The following LPAR3 variants were observed in gnomAD, a reference collection of about 807,000 sequenced individuals.
The protein encoded by LPAR3 is lysophosphatidic acid receptor 3.
In LPAR3, 7 loss-of-function variants were observed where a neutral mutation model predicts 17.8. The ratio of observed to expected loss-of-function variants is 0.39; its 90% CI spans 0.22 to 0.74. LPAR3 has a LOEUF of 0.74. Ranked by LOEUF, LPAR3 falls within the 30% of genes least tolerant of loss-of-function variation. The pLI is 0.40. For synonymous variants in LPAR3, 179 were observed against 179.9 expected, an observed-to-expected ratio of 0.99 and a Z score of 0.04; for missense variants, 391 against 453.4, an observed-to-expected ratio of 0.86 and a Z score of 1.25.
chr1:84,813,789 A>C lies in LPAR3; in HGVS notation c.*57T>G. On this transcript the variant is annotated 3_prime_UTR_variant, in exon 3 of 3. Coordinates refer to ENST00000370611, the MANE Select transcript of LPAR3 (RefSeq NM_012152.3). ...TGGGCTTTGTTAGAGACAGGTAATCATTCTTAACAGCTCTTTTCCCAGAGG... is the reference window on the plus strand; with the variant it reads ...TGGGCTTTGTTAGAGACAGGTAATCCTTCTTAACAGCTCTTTTCCCAGAGG... 1 of 1,362,888 alleles carries C rather than the reference A, an allele frequency of 7.3e-7. No individual in the cohort carries two copies. The highest frequency in any genetic ancestry group is 1.0e-6 in the Non-Finnish European group (1 of 972,838). The allele number at this position is 1,362,888 out of a possible 1,614,324, so 84.4% of individuals were successfully genotyped here.
intron 2 of LPAR3, among the ~76,000 whole-genome samples, chr1:84,856,682 G>A (rs1268984768): frequency 2.0e-5 from 3 of 152,078 alleles, no homozygotes; most frequent in Non-Finnish European, 4.4e-5. Flanking sequence ...CCTAGCAAAG[G>A]TGATAATAGC....
rs769368125 is a variant in LPAR3 at position 84,813,154 on chromosome 1, T to TAGAGAGAGAGAGAGAGAG, written c.*691_*692insCTCTCTCTCTCTCTCTCT. 4.9e-5 allele frequency: 5 copies of TAGAGAGAGAGAGAGAGAG among 101,046 alleles called. No homozygotes were observed. Among genetic ancestry groups the TAGAGAGAGAGAGAGAGAG allele is most frequent in the African/African-American group, 1.8e-4 (5 of 27,294 alleles). The allele number at this position is 101,046 out of a possible 1,614,324, so 6.3% of individuals were successfully genotyped here. On this transcript the variant is annotated 3_prime_UTR_variant, in exon 3 of 3. Coordinates refer to ENST00000370611, the MANE Select transcript of LPAR3 (RefSeq NM_012152.3). ...ATATATATATATATATATATATATA[T>TAGAGAGAGAGAGAGAGAG]ATATAGACACACACACACACACACA...
chr1:84,817,227 A>T (rs1476413852), intron 2 of LPAR3, among the ~76,000 whole-genome samples: 1 of 133,362 alleles, frequency 7.5e-6, no homozygotes, highest in Non-Finnish European at 1.7e-5. Flanking sequence ...GTAGATTGGT[A>T]GGCAACTAAG....
intron 1 of LPAR3, among the ~76,000 whole-genome samples, chr1:84,877,592 T>C (rs188089205): frequency 6.6e-6 from 1 of 152,292 alleles, no homozygotes; most frequent in African/African-American, 2.4e-5. Flanking sequence ...ACAAATATGC[T>C]TGGGGAAGAT....
intron 1 of LPAR3, among the ~76,000 whole-genome samples, chr1:84,868,801 G>C (rs533525471): frequency 6.6e-6 from 1 of 152,224 alleles, no homozygotes; most frequent in East Asian, 1.9e-4. Context: ...CTGATGCTTT[G>C]ATCTTGGACC....
At chr1:84,815,295 G>A (rs1220467495) in intron 2 of LPAR3, among the ~76,000 whole-genome samples, 1 of 152,138 alleles carries the variant, frequency 6.6e-6, no homozygotes, top group African/African-American at 2.4e-5. Context: ...GAATGTCCTT[G>A]TCATTTCTAA....
intron 2 of LPAR3, among the ~76,000 whole-genome samples, chr1:84,849,278 G>C (rs920677050): frequency 2.6e-5 from 4 of 151,390 alleles, no homozygotes; most frequent in South Asian, 2.1e-4. Flanking sequence ...GGGAGGCTGA[G>C]GCAGGAGAAT....
intron 2 of LPAR3, among the ~76,000 whole-genome samples, chr1:84,858,483 C>CA (rs10615696): frequency 1.5e-3 from 161 of 105,732 alleles, no homozygotes; most frequent in Middle Eastern, 4.5e-3. Flanking sequence ...GAGACTGTCT[C>CA]AAAAAAAAAA....
chr1:84,861,897 C>T (rs1190073451), intron 2 of LPAR3, among the ~76,000 whole-genome samples: 1 of 152,176 alleles, frequency 6.6e-6, no homozygotes, highest in East Asian at 1.9e-4. Context: ...CCACACCTGC[C>T]AAAACCTCCC....
intron 1 of LPAR3, among the ~76,000 whole-genome samples, chr1:84,885,629 A>G (rs12077129): frequency 0.12 from 18,269 of 152,192 alleles, 1,944 homozygotes; most frequent in African/African-American, 0.29. Flanking sequence ...TTGGGGAGGT[A>G]CATAGAGACA....
intron 1 of LPAR3, among the ~76,000 whole-genome samples, chr1:84,887,994 T>C (rs1231786348): frequency 6.6e-6 from 1 of 152,058 alleles, no homozygotes; most frequent in Non-Finnish European, 1.5e-5. Flanking sequence ...GTCCATTTCC[T>C]GATTTGATGG....
intron 2 of LPAR3, among the ~76,000 whole-genome samples, chr1:84,862,304 C>T (rs1005526410): frequency 1.2e-4 from 18 of 152,262 alleles, no homozygotes; most frequent in African/African-American, 3.9e-4. Flanking sequence ...AATGTGTCAA[C>T]GGTGTCAAAG....
At chr1:84,833,833 T>C (rs1659342200) in intron 2 of LPAR3, among the ~76,000 whole-genome samples, 1 of 152,214 alleles carries the variant, frequency 6.6e-6, no homozygotes, top group Admixed American at 6.5e-5. Flanking sequence ...AGTAAGCCTC[T>C]ATCTGTCAGC....
intron 2 of LPAR3, among the ~76,000 whole-genome samples, chr1:84,849,125 C>T (rs10747314): frequency 6.6e-6 from 1 of 151,874 alleles, no homozygotes; most frequent in Middle Eastern, 3.4e-3. Context: ...GCCTATAATC[C>T]TAGCACTTTG....
chr1:84,834,482 T>A (rs1312892390), intron 2 of LPAR3, among the ~76,000 whole-genome samples: 1 of 152,196 alleles, frequency 6.6e-6, no homozygotes, highest in Non-Finnish European at 1.5e-5. Flanking sequence ...TTACTGTTCC[T>A]ATGGGTCCAT....
chr1:84,832,147 C>T (rs984957012), intron 2 of LPAR3, among the ~76,000 whole-genome samples: 1 of 152,110 alleles, frequency 6.6e-6, no homozygotes, highest in Admixed American at 6.6e-5. Context: ...CCTGCGCTAA[C>T]AGTGCTGTAC....
At chr1:84,841,598 A>C (rs1659506291) in intron 2 of LPAR3, among the ~76,000 whole-genome samples, 1 of 152,222 alleles carries the variant, frequency 6.6e-6, no homozygotes, top group Non-Finnish European at 1.5e-5. Context: ...ATAAATAAAT[A>C]AACAAAATAG....
intron 1 of LPAR3, among the ~76,000 whole-genome samples, chr1:84,872,361 G>A (rs1386409978): frequency 2.0e-5 from 3 of 152,170 alleles, no homozygotes; most frequent in Non-Finnish European, 2.9e-5. Context: ...GGTATAAGGA[G>A]TGGGTTCCCT....
intron 2 of LPAR3, among the ~76,000 whole-genome samples, chr1:84,855,797 G>C (rs188744828): frequency 6.6e-6 from 1 of 152,246 alleles, no homozygotes; most frequent in Admixed American, 6.5e-5. Context: ...AAACAGTGGC[G>C]TGGGGGGAAA....
Sources: gnomAD v4.1 joint callset for allele counts (sites outside exome capture counted in the v4.1 genomes callset) on GRCh38, gnomAD v4.1.1 for gene constraint, MANE v1.5 for transcripts, NCBI Gene and HGNC (gene_info 2026-07-23, HGNC 2026-07-21) for gene names.